The following LINGO2 variants were observed in gnomAD, a reference collection of about 807,000 sequenced individuals.
LINGO2 encodes the protein leucine-rich repeat and immunoglobulin-like domain-containing nogo receptor-interacting protein 2.
In LINGO2, 14 loss-of-function variants were observed where a neutral mutation model predicts 30.6. The ratio of observed to expected loss-of-function variants is 0.46; its 90% CI spans 0.30 to 0.72. LINGO2 has a LOEUF of 0.72. Among genes scored for constraint, LINGO2 ranks in the 30% least tolerant of loss-of-function variants. The probability of loss-of-function intolerance (pLI) is 0.07; values close to 1 mark genes in which losing one functional copy is unlikely to be tolerated. For synonymous variants in LINGO2, 317 were observed against 288.5 expected (o/e 1.10, Z -1.00); for missense variants, 729 against 751.7 (o/e 0.97, Z 0.35).
At chr9:29,012,375 T>C in the LINGO2 span, among the ~76,000 whole-genome samples, 3 of 151,972 alleles carry the variant, frequency 2.0e-5, no homozygotes, top group Non-Finnish European at 4.4e-5. Flanking sequence ...AAAATTATAT[T>C]ATTCACATTT....
chr9:28,857,124 G>T, the LINGO2 span, among the ~76,000 whole-genome samples: 6,305 of 151,960 alleles, frequency 0.041, 427 homozygotes, highest in African/African-American at 0.14. Context: ...GATCTGTCAG[G>T]GATTATTTGG....
At chr9:27,966,141 GA>G (rs1456373022) in intron 5 of LINGO2, among the ~76,000 whole-genome samples, 1 of 152,092 alleles carries the variant, frequency 6.6e-6, no homozygotes, top group Admixed American at 6.6e-5. Flanking sequence ...TCAACTGAAG[GA>G]AGTACTGAAA....
chr9:28,433,525 T>C (rs13294787), intron 2 of LINGO2, among the ~76,000 whole-genome samples: 44,555 of 151,830 alleles, frequency 0.29, 7,661 homozygotes, highest in Non-Finnish European at 0.38. Flanking sequence ...TTAAGACATA[T>C]TTCTGAAAGC....
At chr9:28,589,028 A>G (rs4998398) in intron 1 of LINGO2, among the ~76,000 whole-genome samples, 5,255 of 152,278 alleles carry the variant, frequency 0.035, 285 homozygotes, top group Admixed American at 0.16. Flanking sequence ...TCCAGCATAT[A>G]AACAGAACCG....
the LINGO2 span, among the ~76,000 whole-genome samples, chr9:28,821,277 G>A: frequency 2.4e-3 from 359 of 152,314 alleles, 1 homozygote; most frequent in African/African-American, 8.5e-3. Flanking sequence ...TTCTGTGAAA[G>A]CCTGCTGAAA....
intron 4 of LINGO2, among the ~76,000 whole-genome samples, chr9:28,225,902 T>A (rs1238566274): frequency 6.6e-6 from 1 of 152,106 alleles, no homozygotes; most frequent in Non-Finnish European, 1.5e-5. Context: ...ATTTCAAAAT[T>A]TGTAAGTGTT....
At chr9:28,392,362 G>A (rs188717436) in intron 2 of LINGO2, among the ~76,000 whole-genome samples, 8 of 152,140 alleles carry the variant, frequency 5.3e-5, no homozygotes, top group Middle Eastern at 3.4e-3. Context: ...CTTTGGAGTC[G>A]GGCATGCCTA....
At chr9:29,138,421 G>A in the LINGO2 span, among the ~76,000 whole-genome samples, 2 of 151,966 alleles carry the variant, frequency 1.3e-5, no homozygotes, top group Non-Finnish European at 2.9e-5. Context: ...ACCACTTGCA[G>A]GTTCACACAC....
chr9:29,019,896 C>G, the LINGO2 span, among the ~76,000 whole-genome samples: 83 of 152,236 alleles, frequency 5.5e-4, 1 homozygote, highest in East Asian at 0.016. Context: ...AAACTACAAA[C>G]TTAAGCAACA....
At chr9:28,608,537 T>C (rs1166420321) in intron 1 of LINGO2, among the ~76,000 whole-genome samples, 2 of 152,154 alleles carry the variant, frequency 1.3e-5, no homozygotes, top group Non-Finnish European at 2.9e-5. Context: ...GGTTCTGCTT[T>C]TTAAAACAGA....
chr9:28,080,564 C>G (rs1825745360), intron 4 of LINGO2: 1 of 152,148 alleles, frequency 6.6e-6, no homozygotes, highest in Non-Finnish European at 1.5e-5. Flanking sequence ...ACCAGCACAT[C>G]CTATTTGAAT....
At chr9:28,975,158 T>C in the LINGO2 span, among the ~76,000 whole-genome samples, 1 of 151,930 alleles carries the variant, frequency 6.6e-6, no homozygotes, top group Non-Finnish European at 1.5e-5. Context: ...TTGCCTGAGG[T>C]TGGTCTAAGA....
At chr9:28,402,631 T>G (rs1822320097) in intron 2 of LINGO2, among the ~76,000 whole-genome samples, 1 of 151,654 alleles carries the variant, frequency 6.6e-6, no homozygotes, top group African/African-American at 2.4e-5. Context: ...AGGTATCTGC[T>G]CTCCTTCACT....
intron 2 of LINGO2, among the ~76,000 whole-genome samples, chr9:28,423,074 G>A (rs762090357): frequency 1.2e-4 from 19 of 152,008 alleles, no homozygotes; most frequent in Non-Finnish European, 2.2e-4. Context: ...CAGTTTTGCA[G>A]GACGAAAAGA....
intron 3 of LINGO2, among the ~76,000 whole-genome samples, chr9:28,354,957 G>C (rs969807934): frequency 1.3e-5 from 2 of 152,042 alleles, no homozygotes; most frequent in African/African-American, 4.8e-5. Flanking sequence ...ACTGAAAACT[G>C]GAGCCTTTTC....
the LINGO2 span, among the ~76,000 whole-genome samples, chr9:28,974,225 T>C: frequency 2.6e-5 from 4 of 151,874 alleles, no homozygotes; most frequent in Non-Finnish European, 4.4e-5. Context: ...GCCAATATAG[T>C]GAAACCCCAT....
chr9:28,789,602 G>A, the LINGO2 span, among the ~76,000 whole-genome samples: 1 of 152,136 alleles, frequency 6.6e-6, no homozygotes, highest in African/African-American at 2.4e-5. Flanking sequence ...GTCATGAATA[G>A]TGAGGTCTAG....
chr9:29,094,370 T>C, the LINGO2 span, among the ~76,000 whole-genome samples: 2 of 139,096 alleles, frequency 1.4e-5, no homozygotes, highest in Non-Finnish European at 3.1e-5. Context: ...ATCAAGAAGA[T>C]GTTATATGGC....
chr9:29,047,051 A>AAAAAAAAAAAAAAAAAAAC, the LINGO2 span, among the ~76,000 whole-genome samples: 282 of 106,678 alleles, frequency 2.6e-3, 35 homozygotes, highest in Middle Eastern at 9.9e-3. Flanking sequence ...AAAAAAAAAA[A>AAAAAAAAAAAAAAAAAAAC]CCAAAAACAA....
Sources: allele counts gnomAD v4.1 joint callset (sites outside exome capture counted in the v4.1 genomes callset), GRCh38; gene constraint gnomAD v4.1.1; transcripts MANE v1.5; gene names NCBI Gene and HGNC (gene_info 2026-07-23, HGNC 2026-07-21).